SECISBP2L: variants seen among roughly 807,000 people sequenced by gnomAD.
SECISBP2L encodes SECIS binding protein 2 like.
In SECISBP2L, 43 loss-of-function variants were observed where a neutral mutation model predicts 114.7. The observed-to-expected ratio is 0.38, with a 90% confidence interval of 0.29 to 0.48. SECISBP2L has a LOEUF of 0.48. Among genes scored for constraint, SECISBP2L ranks in the 20% least tolerant of loss-of-function variants. SECISBP2L has a pLI of 0.98. For synonymous variants in SECISBP2L, 451 were observed against 439.7 expected, an observed-to-expected ratio of 1.03 and a Z score of -0.32; for missense variants, 1,136 against 1,301.1, an observed-to-expected ratio of 0.87 and a Z score of 1.95.
Position 49,028,133 on chromosome 15 carries a change from A to T in SECISBP2L, c.919+11T>A, listed in dbSNP as rs749873302. 3.4e-5 allele frequency: 54 copies of T among 1,577,050 alleles called. No individual in the cohort carries two copies. Among genetic ancestry groups the T allele is most frequent in the Non-Finnish European group, 5.2e-6 (6 of 1,160,674 alleles). On this transcript the variant is annotated intron_variant, in intron 6 of 17. Coordinates refer to ENST00000559471, the MANE Select transcript of SECISBP2L (RefSeq NM_001193489.2). Reference sequence around the variant, plus strand: ...AAAGTATAGCAAAAACACAATGCAGAAAACAAGTACCTGCACACATAGATG... The same window carrying T: ...AAAGTATAGCAAAAACACAATGCAGTAAACAAGTACCTGCACACATAGATG...
chr15:48,998,802 A>C (rs1033067280), intron 16 of SECISBP2L, among the ~76,000 whole-genome samples: 2 of 152,162 alleles, frequency 1.3e-5, no homozygotes, highest in African/African-American at 4.8e-5. Context: ...CTCCCGAGTT[A>C]CTGGGCTAAC....
Position 49,033,111 on chromosome 15 carries a change from A to G in SECISBP2L, c.529-11T>C, listed in dbSNP as rs752158060. The G allele has an allele frequency of 7.5e-6, 12 of 1,600,210 alleles. No homozygotes were observed. The highest frequency in any genetic ancestry group is 1.0e-5 in the Non-Finnish European group (12 of 1,176,156). On this transcript the variant is annotated splice_polypyrimidine_tract_variant and intron_variant, in intron 3 of 17. Transcript: ENST00000559471. ...TTGTAAAAGCTGTTGCTGATTTAAA[A>G]AAAAAACAAAAAAACAAAAAACACA...
At chr15:49,041,104 T>G (rs1371449366) in intron 1 of SECISBP2L, among the ~76,000 whole-genome samples, 1 of 152,176 alleles carries the variant, frequency 6.6e-6, no homozygotes, top group Non-Finnish European at 1.5e-5. Flanking sequence ...AGAGTTGTCT[T>G]CATAAAGGAA....
chr15:49,028,067 G>T, intron 6 of SECISBP2L, 77 bp downstream of exon 6: 2 of 1,296,032 alleles, frequency 1.5e-6, no homozygotes, highest in Non-Finnish European at 2.1e-6. Context: ...GTATCAGCAA[G>T]CCTCATGCTT....
chr15:49,020,112 C>T (rs1470935925), intron 7 of SECISBP2L, among the ~76,000 whole-genome samples: 1 of 152,182 alleles, frequency 6.6e-6, no homozygotes, highest in Non-Finnish European at 1.5e-5. Context: ...GATGATGGAT[C>T]TGTTCTGCAT....
At chr15:49,034,140 G>A (rs1902954878) in intron 3 of SECISBP2L, among the ~76,000 whole-genome samples, 1 of 151,946 alleles carries the variant, frequency 6.6e-6, no homozygotes, top group Non-Finnish European at 1.5e-5. Flanking sequence ...TCTGCTGCTT[G>A]TATTTCAATT....
intron 2 of SECISBP2L, 60 bp downstream of exon 2, chr15:49,037,531 G>A: frequency 6.9e-7 from 1 of 1,443,622 alleles, no homozygotes; most frequent in Non-Finnish European, 9.5e-7. Context: ...AATATTAAGT[G>A]CACTTTGCCA....
At position 49,027,429 on chromosome 15, in the gene SECISBP2L, C is replaced by A. The variant is rs754323912; in HGVS notation, c.971G>T (p.Trp324Leu). ...VTCQATQKKP[W>L]MEKNQTFSRG... Reference sequence around the variant, plus strand: ...AGAAAATGTCTGATTTTTTTCCATCCAAGGTTTTTTCTGAGTTGCCTGGCA... The same window carrying A: ...AGAAAATGTCTGATTTTTTTCCATCAAAGGTTTTTTCTGAGTTGCCTGGCA... Residue 324 changes from tryptophan to leucine, a missense_variant, in exon 7 of 18, where the codon TGG (tryptophan) becomes TTG (leucine). Transcript: ENST00000559471. 3.7e-6 allele frequency: 6 copies of A among 1,609,464 alleles called. No individual in the cohort carries two copies. Among genetic ancestry groups the A allele is most frequent in the Non-Finnish European group, 5.1e-6 (6 of 1,177,046 alleles).
intron 4 of SECISBP2L, among the ~76,000 whole-genome samples, chr15:49,032,405 C>G (rs887070033): frequency 1.3e-5 from 2 of 152,106 alleles, no homozygotes; most frequent in Non-Finnish European, 2.9e-5. Context: ...TTGTCTATTA[C>G]CAGGTGAAAG....
chr15:48,992,966 G>T, intron 17 of SECISBP2L, 40 bp from the exon 18 acceptor site: 1 of 1,517,512 alleles, frequency 6.6e-7, no homozygotes, highest in African/African-American at 1.4e-5. Flanking sequence ...CCAGAACACT[G>T]TTTCAAAATC....
chr15:49,004,426 C>A (rs560532414), intron 14 of SECISBP2L, among the ~76,000 whole-genome samples: 1 of 152,030 alleles, frequency 6.6e-6, no homozygotes, highest in African/African-American at 2.4e-5. Context: ...GTGTCTCTAT[C>A]TCCTTCAGTT....
In SECISBP2L at chr15:48,992,292, C is replaced by G. The variant is rs375930764; in HGVS notation, c.3258G>C (p.Ser1086=). 3 of 1,612,414 alleles carry G rather than the reference C, an allele frequency of 1.9e-6. No homozygotes were observed. The highest frequency in any genetic ancestry group is 2.5e-6 in the Non-Finnish European group (3 of 1,179,502). The change falls in exon 18 of 18, where the codon TCG becomes TCC. Residue 1086 remains serine (S), a synonymous_variant. Coordinates refer to ENST00000559471, the MANE Select transcript of SECISBP2L (RefSeq NM_001193489.2). ...PGQQKSSNCS[S]LNKEHSDSNY... is the part of the protein sequence containing the mutation. ...TAGAATCAGAGTGCTCTTTGTTGAG[C>G]GAGCTGCAGTTGCTGGACTTCTGCT...
chr15:49,045,616 G>A (rs1484417560), intron 1 of SECISBP2L, among the ~76,000 whole-genome samples: 1 of 151,954 alleles, frequency 6.6e-6, no homozygotes. Flanking sequence ...ACACTAATAG[G>A]ACTACTTTGC....
At chr15:49,018,295 T>C (rs1244740645) in intron 8 of SECISBP2L, among the ~76,000 whole-genome samples, 1 of 151,684 alleles carries the variant, frequency 6.6e-6, no homozygotes, top group African/African-American at 2.4e-5. Context: ...TCACTATTGT[T>C]GCCCAGGATA....
chr15:48,989,639 T>C lies in SECISBP2L; in HGVS notation c.*2605A>G, dbSNP rs1215367330. 1 of 152,400 alleles carries C rather than the reference T, an allele frequency of 6.6e-6. No homozygotes were observed. Among genetic ancestry groups the C allele is most frequent in the Admixed American group, 6.5e-5 (1 of 15,288 alleles). 9.4% of individuals were successfully genotyped at this position (152,400 alleles called of 1,614,324 possible). On this transcript the variant is annotated 3_prime_UTR_variant, in exon 18 of 18. Coordinates refer to ENST00000559471, the MANE Select transcript of SECISBP2L (RefSeq NM_001193489.2). Reference sequence around the variant, plus strand: ...TTGGAAGTGTAATTCATATTTTAGTTAATATGCTTACATACTGAAATAGAA... The same window carrying C: ...TTGGAAGTGTAATTCATATTTTAGTCAATATGCTTACATACTGAAATAGAA...
At chr15:48,999,437 C>A (rs908992934) in intron 16 of SECISBP2L, among the ~76,000 whole-genome samples, 1 of 152,088 alleles carries the variant, frequency 6.6e-6, no homozygotes, top group Non-Finnish European at 1.5e-5. Flanking sequence ...AAAGGAAAAT[C>A]CCTTCCAATT....
intron 17 of SECISBP2L, among the ~76,000 whole-genome samples, chr15:48,993,440 T>G (rs1902031119): frequency 6.6e-6 from 1 of 152,108 alleles, no homozygotes; most frequent in African/African-American, 2.4e-5. Flanking sequence ...AATCCATATA[T>G]TCATGAAAAT....
rs775332889 is a variant in SECISBP2L at position 49,009,192 on chromosome 15, C to T, written c.2027+24G>A. 1.1e-5 allele frequency: 18 copies of T among 1,609,952 alleles called. No individual in the cohort carries two copies. The East Asian group carries it at 3.6e-4, about 32-fold the overall frequency. ...AATCAAGATCCTTAAACTATTCAAC[C>T]TCAATAATGAGTATAAAACTTACTC... On this transcript the variant is annotated intron_variant, in intron 14 of 17. Coordinates refer to ENST00000559471, the MANE Select transcript of SECISBP2L (RefSeq NM_001193489.2).
intron 14 of SECISBP2L, among the ~76,000 whole-genome samples, chr15:49,008,828 A>T (rs796485289): frequency 5.3e-5 from 8 of 152,322 alleles, no homozygotes; most frequent in African/African-American, 1.9e-4. Flanking sequence ...ACTTCATATA[A>T]TAGGGTCTTA....
Sources: allele counts gnomAD v4.1 joint callset (sites outside exome capture counted in the v4.1 genomes callset), GRCh38; gene constraint gnomAD v4.1.1; transcripts MANE v1.5; gene names NCBI Gene and HGNC (gene_info 2026-07-23, HGNC 2026-07-21).